The following EPHA5 variants were observed in gnomAD, a reference collection of about 807,000 sequenced individuals.
EPHA5 encodes ephrin type-A receptor 5.
A neutral mutation model predicts 105.0 loss-of-function variants in EPHA5; 60 were observed. The observed-to-expected ratio is 0.57, with a 90% CI of 0.46 to 0.71. The LOEUF is 0.71. Ranked by LOEUF, EPHA5 falls within the 30% of genes least tolerant of loss-of-function variation. The pLI, the probability that EPHA5 is intolerant of heterozygous loss-of-function variation, is 0.00. For synonymous variants in EPHA5, 513 were observed against 449.1 expected (o/e 1.14, Z -1.80); for missense variants, 1,218 against 1,274.7 (o/e 0.96, Z 0.68).
chr4:65,570,611 A>C (rs751506442), intron 3 of EPHA5, among the ~76,000 whole-genome samples: 8 of 151,924 alleles, frequency 5.3e-5, no homozygotes, highest in African/African-American at 1.4e-4. Context: ...AAAGGTCATG[A>C]TTATACGATG....
chr4:65,584,163 T>A (rs539524519), intron 3 of EPHA5, among the ~76,000 whole-genome samples: 5 of 151,818 alleles, frequency 3.3e-5, no homozygotes, highest in African/African-American at 1.2e-4. Context: ...ATCAATCAAA[T>A]GGATAAGGTA....
chr4:65,475,249 A>G (rs4425430), intron 5 of EPHA5, among the ~76,000 whole-genome samples: 23,455 of 152,172 alleles, frequency 0.15, 2,098 homozygotes, highest in East Asian at 0.23. Flanking sequence ...GACTAGCTTA[A>G]TATCTTTAAA....
chr4:65,629,667 A>C (rs1163616027), intron 2 of EPHA5, among the ~76,000 whole-genome samples: 1 of 152,164 alleles, frequency 6.6e-6, no homozygotes, highest in Non-Finnish European at 1.5e-5. Flanking sequence ...CCTAAGAGAC[A>C]CTAATTGAGA....
In EPHA5 at chr4:65,371,122, T is replaced by A. The variant is rs190203472; in HGVS notation, c.1794-3698A>T. Reference sequence around the variant, plus strand: ...CTGAATGGAAAATAAACTATTTTTTTAAATTTTGTTTCATATCACGATTTT... The same window carrying A: ...CTGAATGGAAAATAAACTATTTTTTAAAATTTTGTTTCATATCACGATTTT... On this transcript the variant is annotated intron_variant, in intron 8 of 16. Transcript: ENST00000613740. 1.3e-3 allele frequency among the ~76,000 whole-genome samples: 194 copies of A among 152,256 alleles called. 1 individual carries two copies. The highest frequency in any genetic ancestry group is 4.4e-3 in the African/African-American group (181 of 41,558).
intron 5 of EPHA5, among the ~76,000 whole-genome samples, chr4:65,484,807 C>T (rs981457735): frequency 4.0e-5 from 6 of 149,710 alleles, no homozygotes; most frequent in Admixed American, 6.6e-5. Flanking sequence ...AACATAAATA[C>T]ACACTATTTT....
chr4:65,534,235 C>CACTT (rs1396585772), intron 3 of EPHA5, among the ~76,000 whole-genome samples: 72 of 152,152 alleles, frequency 4.7e-4, no homozygotes, highest in African/African-American at 1.5e-3. Flanking sequence ...ATTTTATTTA[C>CACTT]ACTTATAAAC....
chr4:65,371,701 G>A lies in EPHA5; in HGVS notation c.1794-4277C>T, dbSNP rs182463045. Among the ~76,000 whole-genome samples, 18 of 152,142 alleles carry A rather than the reference G, an allele frequency of 1.2e-4. No homozygotes were observed. In the East Asian group the frequency reaches 3.5e-3, roughly 30 times the overall value. ...TCTTGTGACCAATGAGGAAAGGTAA[G>A]TGAATAGAATAGCCAAAACAGAGTG... On this transcript the variant is annotated intron_variant, in intron 8 of 16. Coordinates refer to ENST00000613740, the MANE Select transcript of EPHA5 (RefSeq NM_001281766.3).
intron 3 of EPHA5, among the ~76,000 whole-genome samples, chr4:65,502,882 A>T (rs537369386): frequency 1.3e-5 from 2 of 151,996 alleles, no homozygotes; most frequent in African/African-American, 4.8e-5. Context: ...CCAATGGTGG[A>T]CTGGATAAAG....
chr4:65,364,980 A>G, intron 11 of EPHA5, 37 bp downstream of exon 11: 2 of 1,547,632 alleles, frequency 1.3e-6, no homozygotes, highest in South Asian at 1.2e-5. Context: ...GATATTGAGG[A>G]TATGCACACA....
intron 3 of EPHA5, among the ~76,000 whole-genome samples, chr4:65,583,805 A>G (rs987639139): frequency 6.6e-6 from 1 of 151,710 alleles, no homozygotes; most frequent in African/African-American, 2.4e-5. Context: ...AAGAAATTCT[A>G]TTATTTGACA....
At position 65,323,946 on chromosome 4, in the gene EPHA5, T is replaced by C; in HGVS notation, c.*168A>G. On this transcript the variant is annotated 3_prime_UTR_variant, in exon 17 of 17. Transcript: ENST00000613740. ...AAAATGAAGACTAAGGACTAAGAACTGGATACTTCAGTAAAACCATGATTA... is the reference window on the plus strand; with the variant it reads ...AAAATGAAGACTAAGGACTAAGAACCGGATACTTCAGTAAAACCATGATTA... 1 of 526,852 alleles carries C rather than the reference T, an allele frequency of 1.9e-6. No homozygotes were observed. Among genetic ancestry groups the C allele is most frequent in the African/African-American group, 2.0e-5 (1 of 50,742 alleles). The allele number at this position is 526,852 out of a possible 1,614,324, so 32.6% of individuals were successfully genotyped here. A position where few individuals can be genotyped will look rare whatever the true frequency, so the allele number is the denominator to read the frequency against.
chr4:65,596,384 A>G (rs1249775358), intron 3 of EPHA5, among the ~76,000 whole-genome samples: 1 of 152,084 alleles, frequency 6.6e-6, no homozygotes, highest in East Asian at 1.9e-4. Context: ...AGTGAACAAG[A>G]CAACATCCCC....
At chr4:65,500,399 A>G (rs962308707) in intron 3 of EPHA5, among the ~76,000 whole-genome samples, 6 of 151,286 alleles carry the variant, frequency 4.0e-5, no homozygotes, top group Admixed American at 2.6e-4. Context: ...TTTAAATGCA[A>G]CCATTTCCAT....
chr4:65,501,527 C>T (rs986290560), intron 3 of EPHA5, among the ~76,000 whole-genome samples: 1 of 151,444 alleles, frequency 6.6e-6, no homozygotes, highest in East Asian at 1.9e-4. Context: ...GAATAAAATA[C>T]CTAGGAATAC....
At chr4:65,447,880 AT>A (rs1185359672) in intron 5 of EPHA5, among the ~76,000 whole-genome samples, 2 of 152,182 alleles carry the variant, frequency 1.3e-5, no homozygotes, top group Non-Finnish European at 1.5e-5. Flanking sequence ...GAAAGATATA[AT>A]GAGAAAACCC....
intron 14 of EPHA5, among the ~76,000 whole-genome samples, chr4:65,341,428 C>A (rs1216708639): frequency 1.3e-5 from 2 of 151,922 alleles, no homozygotes; most frequent in African/African-American, 2.4e-5. Context: ...CACTTCAACA[C>A]ACACCAAATA....
In EPHA5 at chr4:65,668,863, G is replaced by A. The variant is rs556091408; in HGVS notation, c.181+699C>T. Among the ~76,000 whole-genome samples the A allele has an allele frequency of 6.6e-5, 10 of 151,874 alleles. No homozygotes were observed. In the South Asian group the frequency reaches 2.1e-3, roughly 32 times the overall value. ...GACACTCCCCCTCACCCCTCCTGCC[G>A]CGGCATCCCACCTTCTCGCCTTCTT... On this transcript the variant is annotated intron_variant, in intron 1 of 16. Coordinates refer to ENST00000613740, the MANE Select transcript of EPHA5 (RefSeq NM_001281766.3).
intron 12 of EPHA5, among the ~76,000 whole-genome samples, chr4:65,352,444 T>A (rs752690186): frequency 6.6e-6 from 1 of 152,074 alleles, no homozygotes; most frequent in Non-Finnish European, 1.5e-5. Context: ...AGCTATTTAC[T>A]AATAAAGTGG....
chr4:65,345,705 A>C (rs1297043230), intron 14 of EPHA5, among the ~76,000 whole-genome samples: 1 of 152,262 alleles, frequency 6.6e-6, no homozygotes, highest in East Asian at 1.9e-4. Flanking sequence ...ATGCCTAGGC[A>C]ATTTGTCTCA....
Sources: gnomAD v4.1 joint callset for allele counts (sites outside exome capture counted in the v4.1 genomes callset) on GRCh38, gnomAD v4.1.1 for gene constraint, MANE v1.5 for transcripts, NCBI Gene and HGNC (gene_info 2026-07-23, HGNC 2026-07-21) for gene names.